The following PLPP3 variants were observed in gnomAD, a reference collection of about 807,000 sequenced individuals.
PLPP3 encodes phospholipid phosphatase 3, also known as PAP2 beta.
PLPP3 carries 6 observed loss-of-function variants against 29.6 expected under a neutral mutation model. The observed-to-expected ratio is 0.20, with a 90% confidence interval of 0.11 to 0.40. The LOEUF is 0.40. Ranked by LOEUF, PLPP3 falls within the 10% of genes least tolerant of loss-of-function variation. The pLI is 1.00. For missense variants in PLPP3, 308 were observed against 407.7 expected (o/e 0.76, Z 2.11); for synonymous variants, 152 against 159.7 (o/e 0.95, Z 0.36).
intron 1 of PLPP3, among the ~76,000 whole-genome samples, chr1:56,573,546 A>G (rs1281436714): frequency 6.6e-6 from 1 of 152,232 alleles, no homozygotes; most frequent in Non-Finnish European, 1.5e-5. Flanking sequence ...AATCACCGGC[A>G]GCGTTTATAA....
chr1:56,579,388 T>C lies in PLPP3; in HGVS notation c.-372A>G, dbSNP rs975433070. On this transcript the variant is annotated 5_prime_UTR_variant, in exon 1 of 6. Transcript: ENST00000371250. ...CAGCGCGGGCGCTCGGCCACCTTCC[T>C]CCGCAGCTGGTTCCTTAATGAATGG... 23 of 252,756 alleles carry C rather than the reference T, an allele frequency of 9.1e-5. No homozygotes were observed. In the Admixed American group the frequency reaches 1.3e-3, roughly 14 times the overall value. 15.7% of individuals were successfully genotyped at this position (252,756 alleles called of 1,614,324 possible). A position where few individuals can be genotyped will look rare whatever the true frequency, so the allele number is the denominator to read the frequency against.
At chr1:56,508,934 G>A (rs1013497415) in intron 5 of PLPP3, among the ~76,000 whole-genome samples, 3 of 152,110 alleles carry the variant, frequency 2.0e-5, no homozygotes, top group Non-Finnish European at 4.4e-5. Context: ...GGGAGCTTAC[G>A]GCTGGAAAAG....
chr1:56,525,944 A>G (rs575021387), intron 2 of PLPP3, among the ~76,000 whole-genome samples: 15 of 152,250 alleles, frequency 9.9e-5, no homozygotes, highest in African/African-American at 3.1e-4. Flanking sequence ...GTAGGAAGGA[A>G]ACACCAGCTG....
intron 1 of PLPP3, among the ~76,000 whole-genome samples, chr1:56,570,252 GT>G (rs929371538): frequency 5.9e-5 from 9 of 152,154 alleles, no homozygotes; most frequent in African/African-American, 2.2e-4. Context: ...AATGAGAATG[GT>G]TTCCTTCGTG....
intron 2 of PLPP3, among the ~76,000 whole-genome samples, chr1:56,526,462 T>A (rs1645853615): frequency 6.6e-6 from 1 of 152,232 alleles, no homozygotes; most frequent in African/African-American, 2.4e-5. Context: ...ATTCATGATC[T>A]AATTCCCCTT....
Position 56,525,564 on chromosome 1 carries a change from G to A in PLPP3, c.298-1010C>T, listed in dbSNP as rs115099916. Among the ~76,000 whole-genome samples, 810 of 152,160 alleles carry A rather than the reference G, an allele frequency of 5.3e-3. 11 individuals are homozygous for A. Among genetic ancestry groups the A allele is most frequent in the African/African-American group, 0.018 (756 of 41,508 alleles). On this transcript the variant is annotated intron_variant, in intron 2 of 5. Transcript: ENST00000371250. ...GACATCATTTACATTAAGGATGGGGGACAGCTGATGTTCTGTAAGGTAAAT... is the reference window on the plus strand; with the variant it reads ...GACATCATTTACATTAAGGATGGGGAACAGCTGATGTTCTGTAAGGTAAAT...
At position 56,496,586 on chromosome 1, in the gene PLPP3, T is replaced by C; in HGVS notation, c.901A>G (p.Ile301Val). The C allele has an allele frequency of 1.2e-6, 2 of 1,614,064 alleles. No individual in the cohort carries two copies. The highest frequency in any genetic ancestry group is 2.2e-5 in the East Asian group (1 of 44,874). The change falls in exon 6 of 6, where the codon ATT becomes GTT. Residue 301 changes from isoleucine to valine, a missense_variant. Around this residue, in one of 3 missense-constraint regions of PLPP3, gnomAD observed 232 missense variants for 317.2 expected, o/e 0.73. Coordinates refer to ENST00000371250, the MANE Select transcript of PLPP3 (RefSeq NM_003713.5). ...TTGTGGTGATTGTTCCTGTCAATAA[T>C]GTCCACAGGTGAAAGGATTTCCTTC... The part of the protein sequence containing the change: ...IRKEILSPVD[I>V]IDRNNHHNMM
At chr1:56,525,874 C>A (rs1320872773) in intron 2 of PLPP3, among the ~76,000 whole-genome samples, 1 of 152,084 alleles carries the variant, frequency 6.6e-6, no homozygotes, top group African/African-American at 2.4e-5. Context: ...AGGAAAGCAT[C>A]AAGGCATGAG....
chr1:56,507,534 A>T (rs1043369572), intron 5 of PLPP3, among the ~76,000 whole-genome samples: 4 of 151,928 alleles, frequency 2.6e-5, no homozygotes, highest in African/African-American at 9.7e-5. Flanking sequence ...GCAGGCCATG[A>T]GTAGATGAGG....
At position 56,524,620 on chromosome 1, in the gene PLPP3, G is replaced by A. The variant is rs1645841662; in HGVS notation, c.298-66C>T. The A allele has an allele frequency of 5.3e-6, 8 of 1,522,482 alleles. No homozygotes were observed. The highest frequency in any genetic ancestry group is 1.2e-5 in the South Asian group (1 of 84,118). 94.3% of individuals were successfully genotyped at this position (1,522,482 alleles called of 1,614,324 possible). On this transcript the variant is annotated intron_variant, in intron 2 of 5. Transcript: ENST00000371250. The surrounding 1 kb of genome is among the most constrained non-coding windows in gnomAD (Gnocchi z 4.3). ...TCATCATCAACACTGATGCCGTAAC[G>A]GATATTCAACAACACAGGAGAATAT...
intron 1 of PLPP3, chr1:56,538,624 C>A: frequency 2.9e-6 from 1 of 340,938 alleles, no homozygotes; most frequent in South Asian, 3.1e-5. Context: ...CAAGTGTTAC[C>A]ATGGCTAAAC....
At position 56,550,153 on chromosome 1, in the gene PLPP3, G is replaced by A. The variant is rs370352041; in HGVS notation, c.140-13041C>T. ...GGAGCCACTCACAAACTGGGCAGCT[G>A]CTTCCTGTAGTCAGAAATCCAGGTA... is the stretch of plus-strand genomic sequence containing the variant. On this transcript the variant is annotated intron_variant, in intron 1 of 5. Transcript: ENST00000371250. Among the ~76,000 whole-genome samples, 9 of 152,176 alleles carry A rather than the reference G, an allele frequency of 5.9e-5. No individual in the cohort carries two copies. The East Asian group carries it at 1.5e-3, about 26-fold the overall frequency.
intron 5 of PLPP3, among the ~76,000 whole-genome samples, chr1:56,501,389 G>A (rs1379893718): frequency 6.6e-6 from 1 of 151,988 alleles, no homozygotes; most frequent in African/African-American, 2.4e-5. Flanking sequence ...GGGAGTGATT[G>A]CCCCCCACGC....
intron 4 of PLPP3, among the ~76,000 whole-genome samples, chr1:56,520,214 T>C (rs1645809521): frequency 6.6e-6 from 1 of 152,064 alleles, no homozygotes; most frequent in African/African-American, 2.4e-5. Context: ...TCCAGATGAG[T>C]ATGCTGAGGC....
At chr1:56,498,651 TA>T (rs1463820956) in intron 5 of PLPP3, among the ~76,000 whole-genome samples, 3 of 151,738 alleles carry the variant, frequency 2.0e-5, no homozygotes, top group African/African-American at 7.3e-5. Context: ...TTTTTTTTTT[TA>T]AGACGGAGTC....
intron 4 of PLPP3, among the ~76,000 whole-genome samples, chr1:56,520,246 C>T (rs1249073950): frequency 6.6e-6 from 1 of 152,176 alleles, no homozygotes; most frequent in African/African-American, 2.4e-5. Flanking sequence ...GTAACCCACT[C>T]ATGGCTTCAG....
chr1:56,573,930 G>T (rs11206847), intron 1 of PLPP3, among the ~76,000 whole-genome samples: 6,011 of 152,192 alleles, frequency 0.039, 428 homozygotes, highest in African/African-American at 0.14. Context: ...GGCCTGGCAC[G>T]GTGGCTCACA....
chr1:56,547,101 T>C (rs1646010975), intron 1 of PLPP3, among the ~76,000 whole-genome samples: 1 of 152,204 alleles, frequency 6.6e-6, no homozygotes, highest in Non-Finnish European at 1.5e-5. Flanking sequence ...TTTAGAACTG[T>C]AAGAGATCTT....
intron 5 of PLPP3, among the ~76,000 whole-genome samples, chr1:56,497,284 C>T (rs1469319431): frequency 2.0e-5 from 3 of 152,192 alleles, no homozygotes; most frequent in African/African-American, 4.8e-5. Flanking sequence ...TCATTCCCAG[C>T]GTCCTTTTTC....
Sources: allele counts gnomAD v4.1 joint callset (sites outside exome capture counted in the v4.1 genomes callset), GRCh38; gene constraint gnomAD v4.1.1; regional missense constraint gnomAD v4.1.1; non-coding constraint Gnocchi (gnomAD v3.1); transcripts MANE v1.5; gene names NCBI Gene and HGNC (gene_info 2026-07-23, HGNC 2026-07-21).